Variants in EXD1 observed in about 807,000 individuals in gnomAD.
The protein encoded by EXD1 is piRNA biogenesis protein EXD1.
Under a neutral mutation model 49.1 loss-of-function variants are expected in EXD1, and 63 were observed. The observed-to-expected ratio is 1.28, with a 90% CI of 1.05 to 1.58. The LOEUF (loss-of-function observed/expected upper bound fraction) is 1.58. Ranked by LOEUF, EXD1 falls within the 40% of genes most tolerant of loss-of-function variation. EXD1 has a pLI of 0.00. For synonymous variants in EXD1, 234 were observed against 239.2 expected (o/e 0.98, Z 0.20); for missense variants, 748 against 666.0 (o/e 1.12, Z -1.36).
intron 11 of EXD1, among the ~76,000 whole-genome samples, chr15:41,188,304 C>T (rs1453149865): frequency 1.3e-5 from 2 of 151,582 alleles, no homozygotes; most frequent in African/African-American, 4.8e-5. Flanking sequence ...TAGTCTCCCT[C>T]CCCTCTTTTT....
In EXD1 at chr15:41,186,470, C is replaced by CAAAAAAAAAA. The variant is rs58793050; in HGVS notation, c.1057-1887_1057-1878dup. Among the ~76,000 whole-genome samples, 14 of 68,282 alleles carry CAAAAAAAAAA rather than the reference C, an allele frequency of 2.1e-4. 1 individual carries two copies. The highest frequency in any genetic ancestry group is 9.0e-4 in the Admixed American group (4 of 4,456). 44.8% of individuals were successfully genotyped at this position (68,282 alleles called of 152,430 possible). On this transcript the variant is annotated intron_variant, in intron 11 of 11. Transcript: ENST00000458580. Reference sequence around the variant, plus strand: ...CTGGGTGATGAGCAAGACTCTGTCTCAAAAAAAAAAAAAAAAAAATCAGAA... The same window carrying CAAAAAAAAAA: ...CTGGGTGATGAGCAAGACTCTGTCTCAAAAAAAAAAAAAAAAAAAAAAAAAAAAATCAGAA...
chr15:41,199,716 G>GAGATATTAC (rs2046681069), intron 7 of EXD1, among the ~76,000 whole-genome samples: 1 of 69,836 alleles, frequency 1.4e-5, no homozygotes, highest in East Asian at 8.0e-4. Flanking sequence ...TCATATATAT[G>GAGATATTAC]ATATATTATA....
At chr15:41,216,326 A>C (rs984600927) in intron 5 of EXD1, among the ~76,000 whole-genome samples, 2 of 144,888 alleles carry the variant, frequency 1.4e-5, no homozygotes, top group East Asian at 2.0e-4. Flanking sequence ...AAAGAGAGAG[A>C]GAGCCTAGAA....
rs777754459 is a variant in EXD1 at position 41,230,743 on chromosome 15, C to A, written c.-318G>T. 7.4e-5 allele frequency: 43 copies of A among 583,864 alleles called. No homozygotes were observed. Among genetic ancestry groups the A allele is most frequent in the East Asian group, 1.5e-4 (5 of 33,506 alleles). 36.2% of individuals were successfully genotyped at this position (583,864 alleles called of 1,614,324 possible). A position where few individuals can be genotyped will look rare whatever the true frequency, so the allele number is the denominator to read the frequency against. ...CAGAGGCGACGCCCGCCCGGCCCAA[C>A]GTCCAGTCTCGTCTGTTTCCCGAGG... On this transcript the variant is annotated 5_prime_UTR_variant, in exon 1 of 12. Transcript: ENST00000458580.
chr15:41,198,353 A>G (rs940165566), intron 7 of EXD1, among the ~76,000 whole-genome samples: 9 of 152,138 alleles, frequency 5.9e-5, no homozygotes, highest in African/African-American at 1.7e-4. Context: ...CGAATGGCCA[A>G]TGACTTAATC....
chr15:41,215,926 G>T, intron 5 of EXD1, 93 bp from the exon 6 acceptor site: 2 of 1,261,972 alleles, frequency 1.6e-6, no homozygotes, highest in Non-Finnish European at 1.1e-6. Context: ...TATTCCTACT[G>T]TATTGCAACT....
At position 41,228,792 on chromosome 15, in the gene EXD1, G is replaced by A. The variant is rs937863419; in HGVS notation, c.-54+1687C>T. ...TGGCTCACTGCAACCTCTGCCTCCC[G>A]GGTTCAAGCAATTTATACTTTTAAA... On this transcript the variant is annotated intron_variant, in intron 1 of 11. Transcript: ENST00000458580. 2.6e-5 allele frequency among the ~76,000 whole-genome samples: 4 copies of A among 151,916 alleles called. No individual in the cohort carries two copies. In the East Asian group the frequency reaches 5.8e-4, roughly 22 times the overall value.
At chr15:41,217,200 T>A (rs1177102184) in intron 3 of EXD1, 46 bp from the exon 4 acceptor site, 1 of 1,494,258 alleles carries the variant, frequency 6.7e-7, no homozygotes, top group Non-Finnish European at 9.3e-7. Flanking sequence ...CAATCAGAAA[T>A]CAATTAACTA....
chr15:41,186,470 C>CCA (rs568747621), intron 11 of EXD1, among the ~76,000 whole-genome samples: 1 of 68,286 alleles, frequency 1.5e-5, no homozygotes, highest in African/African-American at 5.2e-5. Flanking sequence ...GACTCTGTCT[C>CCA]AAAAAAAAAA....
At chr15:41,203,932 A>C (rs1471903684) in intron 7 of EXD1, among the ~76,000 whole-genome samples, 1 of 146,716 alleles carries the variant, frequency 6.8e-6, no homozygotes. Context: ...AAAAAAAAAA[A>C]AAAAAAAAAA....
At position 41,183,847 on chromosome 15, in the gene EXD1, C is replaced by A; in HGVS notation, c.*84G>T. On this transcript the variant is annotated 3_prime_UTR_variant, in exon 12 of 12. Transcript: ENST00000458580. Reference sequence around the variant, plus strand: ...GACTGAAGCATTACTACATTTACAACATGAGAAACCTGGGCACTGTGGAAA... The same window carrying A: ...GACTGAAGCATTACTACATTTACAAAATGAGAAACCTGGGCACTGTGGAAA... 1 of 1,357,462 alleles carries A rather than the reference C, an allele frequency of 7.4e-7. No individual in the cohort carries two copies. The highest frequency in any genetic ancestry group is 1.0e-6 in the Non-Finnish European group (1 of 996,602). The allele number at this position is 1,357,462 out of a possible 1,614,324, so 84.1% of individuals were successfully genotyped here. A position where few individuals can be genotyped will look rare whatever the true frequency, so the allele number is the denominator to read the frequency against.
chr15:41,208,766 T>C (rs897697149), intron 7 of EXD1, among the ~76,000 whole-genome samples: 2 of 151,646 alleles, frequency 1.3e-5, no homozygotes, highest in Non-Finnish European at 2.9e-5. Flanking sequence ...ATAATAATAA[T>C]AGTAATAATA....
rs770690755 is a variant in EXD1, at chr15:41,199,757, T to TATATATC, written c.535-3721_535-3720insGATATAT. The stretch of plus-strand genomic sequence containing the variant: ...TATATATGTCATATATTATATATGA[T>TATATATC]ACATATATGATATATATGTCATATA... On this transcript the variant is annotated intron_variant, in intron 7 of 11. Transcript: ENST00000458580. Among the ~76,000 whole-genome samples the TATATATC allele has an allele frequency of 5.6e-3, 489 of 87,248 alleles. 25 individuals are homozygous for TATATATC. Among genetic ancestry groups the TATATATC allele is most frequent in the African/African-American group, 0.02 (467 of 23,156 alleles). 57.2% of individuals were successfully genotyped at this position (87,248 alleles called of 152,430 possible). A position where few individuals can be genotyped will look rare whatever the true frequency, so the allele number is the denominator to read the frequency against.
intron 7 of EXD1, among the ~76,000 whole-genome samples, chr15:41,206,288 G>A (rs966634190): frequency 5.9e-5 from 9 of 151,962 alleles, no homozygotes; most frequent in Middle Eastern, 3.4e-3. Context: ...TGGCCAACAT[G>A]GTAAAATCCT....
chr15:41,230,507 C>A lies in EXD1; in HGVS notation c.-82G>T, dbSNP rs369397742. 5 of 1,614,082 alleles carry A rather than the reference C, an allele frequency of 3.1e-6. No individual in the cohort carries two copies. The African/African-American group carries it at 4.0e-5, about 13-fold the overall frequency. On this transcript the variant is annotated 5_prime_UTR_variant, in exon 1 of 12. Transcript: ENST00000458580. Reference sequence around the variant, plus strand: ...AAGCTAGGAATTCACTGTCCTCCATCGTTAGGGCTTTTTCCTCCGAAGGAA... The same window carrying A: ...AAGCTAGGAATTCACTGTCCTCCATAGTTAGGGCTTTTTCCTCCGAAGGAA...
chr15:41,191,871 G>A, intron 9 of EXD1: 1 of 247,602 alleles, frequency 4.0e-6, no homozygotes, highest in Admixed American at 5.3e-5. Context: ...CCACTTCCCA[G>A]GTTCAAGTAA....
chr15:41,184,048 T>C lies in EXD1; in HGVS notation c.1602A>G (p.Arg534=), dbSNP rs774728525. 6.2e-7 allele frequency: 1 copy of C among 1,614,208 alleles called. No individual in the cohort carries two copies. The highest frequency in any genetic ancestry group is 8.5e-7 in the Non-Finnish European group (1 of 1,180,030). The change falls in exon 12 of 12, where the codon AGA becomes AGG. Residue 534 remains arginine, a synonymous_variant. Coordinates refer to ENST00000458580, the MANE Select transcript of EXD1 (RefSeq NM_001286441.2). ...GATAAAAAGTGTCACTTGGAGACAC[T>C]CTGGTTTCCTGAGGAAAGGAAGACA... ...VSMSSFPQET[R]VSPSDTFYPI...
Position 41,215,830 on chromosome 15 carries a change from T to G in EXD1, c.392A>C (p.Glu131Ala), listed in dbSNP as rs776940670. 6.2e-7 allele frequency: 1 copy of G among 1,613,862 alleles called. No individual in the cohort carries two copies. The highest frequency in any genetic ancestry group is 1.1e-5 in the South Asian group (1 of 91,072). Reference sequence around the variant, plus strand: ...AATGACTGTGTATGTCACCTCCTCTTCCTCTACAAGACAAGGATTGCATTA... The same window carrying G: ...AATGACTGTGTATGTCACCTCCTCTGCCTCTACAAGACAAGGATTGCATTA... ...LNDLKYSPSE[E>A]EEVTYTVINQ... is the part of the protein sequence containing the mutation. The change falls in exon 6 of 12, where the codon GAA becomes GCA. Residue 131 changes from glutamate to alanine, a missense_variant. By Grantham distance (107) the Glu-to-Ala change is moderately radical (BLOSUM62 -1). Transcript: ENST00000458580.
intron 7 of EXD1, among the ~76,000 whole-genome samples, chr15:41,199,670 TTATA>T (rs1181521999): frequency 1.8e-5 from 2 of 109,842 alleles, no homozygotes; most frequent in African/African-American, 6.8e-5. Flanking sequence ...GATATACACA[TTATA>T]TATATCATAT....
Sources: allele counts gnomAD v4.1 joint callset (sites outside exome capture counted in the v4.1 genomes callset), GRCh38; gene constraint gnomAD v4.1.1; transcripts MANE v1.5; gene names NCBI Gene and HGNC (gene_info 2026-07-23, HGNC 2026-07-21).